Variants in VARS1 observed in about 807,000 individuals in gnomAD.
VARS1 encodes valine--tRNA ligase.
In VARS1, 92 loss-of-function variants were observed where a neutral mutation model predicts 161.0. That is an observed-to-expected ratio of 0.57 (90% CI 0.48 to 0.68). The LOEUF is 0.68. Among genes scored for constraint, VARS1 ranks in the 30% least tolerant of loss-of-function variants. VARS1 has a pLI of 0.00. For missense variants in VARS1, 1,338 were observed against 1,695.9 expected, an observed-to-expected ratio of 0.79 and a Z score of 3.71; for synonymous variants, 595 against 682.5, an observed-to-expected ratio of 0.87 and a Z score of 2.00.
At position 31,781,379 on chromosome 6, in the gene VARS1, C is replaced by T; in HGVS notation, c.2544+102G>A. On this transcript the variant is annotated intron_variant, in intron 21 of 29. Transcript: ENST00000375663. This position sits in a 1 kb window ranked among gnomAD's most constrained non-coding sequence, Gnocchi z 6.8. Reference sequence around the variant, plus strand: ...CACCAGCCCCCGGGTCAGGCCTGCCCACAGCTAACCCCATGCCCCAGCCAC... The same window carrying T: ...CACCAGCCCCCGGGTCAGGCCTGCCTACAGCTAACCCCATGCCCCAGCCAC... The T allele has an allele frequency of 2.7e-6, 4 of 1,505,248 alleles. No individual in the cohort carries two copies. The highest frequency in any genetic ancestry group is 3.6e-6 in the Non-Finnish European group (4 of 1,125,200). 93.2% of individuals were successfully genotyped at this position (1,505,248 alleles called of 1,614,324 possible).
chr6:31,785,738 TA>T lies in VARS1; in HGVS notation c.1101-6del, dbSNP rs770776599. On this transcript the variant is annotated splice_polypyrimidine_tract_variant and splice_region_variant and intron_variant, in intron 8 of 29. Coordinates refer to ENST00000375663, the MANE Select transcript of VARS1 (RefSeq NM_006295.3). The surrounding 1 kb of genome is among the most constrained non-coding windows in gnomAD (Gnocchi z 6.1). ...GTCTCCCCACGCATGCGGTGCCTGTTAGGGGGCATGGAGGACCAGAGGGTGA... is the reference window on the plus strand; with the variant it reads ...GTCTCCCCACGCATGCGGTGCCTGTTGGGGGCATGGAGGACCAGAGGGTGA... The T allele has an allele frequency of 4.4e-6, 7 of 1,607,324 alleles. 1 individual carries two copies. The South Asian group carries it at 7.7e-5, about 18-fold the overall frequency.
At position 31,781,568 on chromosome 6, in the gene VARS1, C is replaced by T; in HGVS notation, c.2457G>A (p.Leu819=). 1 of 1,613,028 alleles carries T rather than the reference C, an allele frequency of 6.2e-7. No individual in the cohort carries two copies. Among genetic ancestry groups the T allele is most frequent in the Non-Finnish European group, 8.5e-7 (1 of 1,180,012 alleles). The change falls in exon 21 of 30, where the codon CTG becomes CTA. Residue 819 remains leucine, a synonymous_variant. Coordinates refer to ENST00000375663, the MANE Select transcript of VARS1 (RefSeq NM_006295.3). This position sits in a 1 kb window ranked among gnomAD's most constrained non-coding sequence, Gnocchi z 6.8. The part of the protein sequence containing the change: ...DLSVFYPGTL[L]ETGHDILFFW... ...AGAAGAGGATGTCATGACCGGTCTCCAGCAGTGTCCCGGGGTAGAACACAC... is the reference window on the plus strand; with the variant it reads ...AGAAGAGGATGTCATGACCGGTCTCTAGCAGTGTCCCGGGGTAGAACACAC...
In VARS1 at chr6:31,782,175, T is replaced by C; in HGVS notation, c.2153A>G (p.Glu718Gly). The C allele has an allele frequency of 6.2e-7, 1 of 1,613,612 alleles. No individual in the cohort carries two copies. Among genetic ancestry groups the C allele is most frequent in the Non-Finnish European group, 8.5e-7 (1 of 1,179,784 alleles). Residue 718 changes from glutamate (E) to glycine (G), a missense_variant and splice_region_variant, in exon 18 of 30, where the codon GAG becomes GGG. Around this residue, in one of 3 missense-constraint regions of VARS1, gnomAD observed 902 missense variants for 1,090.3 expected, o/e 0.83. Coordinates refer to ENST00000375663, the MANE Select transcript of VARS1 (RefSeq NM_006295.3). The surrounding 1 kb of genome is among the most constrained non-coding windows in gnomAD (Gnocchi z 8.3). ...TWHAWMDNIR[E>G]WCISRQLWWG... ...CCACAGCTGCCTGGAAATGCACCACTCCCTGCAAATGTCGGGGAGGAGAAA... is the reference window on the plus strand; with the variant it reads ...CCACAGCTGCCTGGAAATGCACCACCCCCTGCAAATGTCGGGGAGGAGAAA...
At chr6:31,794,744 A>ACTAC in intron 2 of VARS1, 87 bp downstream of exon 2, 8 of 1,455,064 alleles carry the variant, frequency 5.5e-6, no homozygotes, top group Non-Finnish European at 7.3e-6. Flanking sequence ...CATCTGATGT[A>ACTAC]CTACCTTCTT....
chr6:31,784,590 C>T lies in VARS1; in HGVS notation c.1467+5G>A, dbSNP rs1421873661. 6 of 1,613,258 alleles carry T rather than the reference C, an allele frequency of 3.7e-6. No individual in the cohort carries two copies. The highest frequency in any genetic ancestry group is 1.7e-5 in the Admixed American group (1 of 60,004). ...GATGGAGACAGGCCAGGTTGGGGGG[C>T]GCACCTCAATGTCAGAGATGGCGGA... On this transcript the variant is annotated splice_donor_5th_base_variant and intron_variant, in intron 11 of 29. Coordinates refer to ENST00000375663, the MANE Select transcript of VARS1 (RefSeq NM_006295.3). This position sits in a 1 kb window ranked among gnomAD's most constrained non-coding sequence, Gnocchi z 6.1.
rs765817222 is a variant in VARS1, at chr6:31,779,518, C to T, written c.3307G>A (p.Glu1103Lys). 9.3e-6 allele frequency: 15 copies of T among 1,611,894 alleles called. No individual in the cohort carries two copies. The highest frequency in any genetic ancestry group is 5.0e-5 in the Admixed American group (3 of 59,958). Residue 1103 changes from glutamate (E) to lysine (K), a missense_variant, in exon 28 of 30, where the codon GAG (glutamate) becomes AAG (lysine). Glu to Lys is a moderately conservative substitution (Grantham distance 56). Around this residue, in one of 3 missense-constraint regions of VARS1, gnomAD observed 433 missense variants for 586.2 expected, o/e 0.74. Coordinates refer to ENST00000375663, the MANE Select transcript of VARS1 (RefSeq NM_006295.3). This position sits in a 1 kb window ranked among gnomAD's most constrained non-coding sequence, Gnocchi z 9.1. ...EPSECSWKDP[E>K]AEAALELALS... ...GCCAGCTCAAGGGCGGCTTCTGCCT[C>T]GGGGTCCTTCCAGGAGCACTGTGGG...
chr6:31,787,970 A>T (rs1813612572), intron 8 of VARS1, among the ~76,000 whole-genome samples: 1 of 151,276 alleles, frequency 6.6e-6, no homozygotes, highest in South Asian at 2.1e-4. Flanking sequence ...TACAAAAAAA[A>T]TTAGCCAGGC....
intron 8 of VARS1, among the ~76,000 whole-genome samples, chr6:31,787,671 T>C (rs1475565577): frequency 6.6e-6 from 1 of 151,412 alleles, no homozygotes; most frequent in Non-Finnish European, 1.5e-5. Flanking sequence ...GTAGTCATTC[T>C]GTTTTCATGT....
In VARS1 at chr6:31,777,871, A is replaced by G. The variant is rs73400268; in HGVS notation, c.3727-209T>C. ...CTCTTGGGTCTTGCCTTTTTCCACC[A>G]AGTGGTGAGTCCCCAAGAACAAAGG... is the stretch of plus-strand genomic sequence containing the variant. On this transcript the variant is annotated intron_variant, in intron 29 of 29. Coordinates refer to ENST00000375663, the MANE Select transcript of VARS1 (RefSeq NM_006295.3). The surrounding 1 kb of genome is among the most constrained non-coding windows in gnomAD (Gnocchi z 5.8). 769 of 610,074 alleles carry G rather than the reference A, an allele frequency of 1.3e-3. 6 individuals are homozygous for G. In the African/African-American group the frequency reaches 0.013, roughly 10 times the overall value. The allele number at this position is 610,074 out of a possible 1,614,324, so 37.8% of individuals were successfully genotyped here.
Position 31,782,646 on chromosome 6 carries a change from G to A in VARS1, c.1888-13C>T. On this transcript the variant is annotated splice_polypyrimidine_tract_variant and intron_variant, in intron 15 of 29. Coordinates refer to ENST00000375663, the MANE Select transcript of VARS1 (RefSeq NM_006295.3). The surrounding 1 kb of genome is among the most constrained non-coding windows in gnomAD (Gnocchi z 8.3). ...ACCTGGGCAGGCCCTGGGTAGGAAT[G>A]AGGCCTCATCATGGCGATGCCCAGC... The A allele has an allele frequency of 6.2e-7, 1 of 1,613,082 alleles. No homozygotes were observed. The highest frequency in any genetic ancestry group is 8.5e-7 in the Non-Finnish European group (1 of 1,180,026).
At position 31,795,244 on chromosome 6, in the gene VARS1, G is replaced by A; in HGVS notation, c.-27C>T. The A allele has an allele frequency of 7.1e-7, 1 of 1,400,372 alleles. No individual in the cohort carries two copies. The highest frequency in any genetic ancestry group is 9.3e-7 in the Non-Finnish European group (1 of 1,074,556). 86.7% of individuals were successfully genotyped at this position (1,400,372 alleles called of 1,614,324 possible). ...GTTATGAGAAGGTCCGAACGAAGTG[G>A]AAAAACCTAAGGAGAAAGAGAGACA... is the stretch of plus-strand genomic sequence containing the variant. On this transcript the variant is annotated 5_prime_UTR_variant, in exon 2 of 30. Transcript: ENST00000375663. This position sits in a 1 kb window ranked among gnomAD's most constrained non-coding sequence, Gnocchi z 6.9.
chr6:31,786,696 C>T (rs1330692061), intron 8 of VARS1, among the ~76,000 whole-genome samples: 2 of 121,872 alleles, frequency 1.6e-5, no homozygotes, highest in African/African-American at 3.1e-5. Flanking sequence ...AAAAAAAGAA[C>T]GAAGAGGAGG....
chr6:31,790,438 C>T (rs1813797179), intron 8 of VARS1, among the ~76,000 whole-genome samples: 1 of 151,710 alleles, frequency 6.6e-6, no homozygotes, highest in Non-Finnish European at 1.5e-5. Flanking sequence ...CCCATCTCTA[C>T]TAAAAATACA....
rs951747192 is a variant in VARS1 at position 31,782,397 on chromosome 6, C to T, written c.2038G>A (p.Val680Ile). 25 of 1,612,262 alleles carry T rather than the reference C, an allele frequency of 1.6e-5. No homozygotes were observed. The highest frequency in any genetic ancestry group is 6.6e-5 in the South Asian group (6 of 90,984). The stretch of plus-strand genomic sequence containing the variant: ...GCCTGGGCCATCTCCCCGCAGCGAA[C>T]GTACCACTGCGGCCGCAGCAGAGGC... ...VEPLLRPQWY[V>I]RCGEMAQAAS... The change falls in exon 17 of 30, where the codon GTT becomes ATT. Residue 680 changes from valine to isoleucine, a missense_variant. Transcript: ENST00000375663. This position sits in a 1 kb window ranked among gnomAD's most constrained non-coding sequence, Gnocchi z 8.3.
chr6:31,785,154 A>G lies in VARS1; in HGVS notation c.1347+92T>C. The G allele has an allele frequency of 6.7e-7, 1 of 1,489,970 alleles. No homozygotes were observed. Among genetic ancestry groups the G allele is most frequent in the East Asian group, 2.3e-5 (1 of 43,938 alleles). 92.3% of individuals were successfully genotyped at this position (1,489,970 alleles called of 1,614,324 possible). ...TGTTTTACATGGGCCAGCTCCTGAG[A>G]GAGGGCCACAACACCTCTGCTTTCT... On this transcript the variant is annotated intron_variant, in intron 10 of 29. Coordinates refer to ENST00000375663, the MANE Select transcript of VARS1 (RefSeq NM_006295.3). This position sits in a 1 kb window ranked among gnomAD's most constrained non-coding sequence, Gnocchi z 6.1.
At position 31,779,645 on chromosome 6, in the gene VARS1, G is replaced by C. The variant is rs200481685; in HGVS notation, c.3251C>G (p.Pro1084Arg). 53 of 1,612,048 alleles carry C rather than the reference G, an allele frequency of 3.3e-5. No individual in the cohort carries two copies. Among genetic ancestry groups the C allele is most frequent in the Non-Finnish European group, 4.5e-5 (53 of 1,179,790 alleles). The stretch of plus-strand genomic sequence containing the variant: ...CGGGTAGGGGGTAACACAGAGGCTA[G>C]GGGGAGCTTGCGGCATCCTCCGGGG... ...RLPRRMPQAPPSLCVTPYPEP... is the reference protein window; with the variant it reads ...RLPRRMPQAPRSLCVTPYPEP... Residue 1084 changes from proline (P) to arginine (R), a missense_variant, in exon 27 of 30, where the codon CCT becomes CGT. By Grantham distance (103) the Pro-to-Arg change is moderately radical (BLOSUM62 -2). Transcript: ENST00000375663. The surrounding 1 kb of genome is among the most constrained non-coding windows in gnomAD (Gnocchi z 9.1).
chr6:31,787,420 G>C (rs1004937654), intron 8 of VARS1, among the ~76,000 whole-genome samples: 6 of 152,062 alleles, frequency 3.9e-5, no homozygotes, highest in Admixed American at 6.6e-5. Context: ...CGAGGCAGGC[G>C]GCTTACTTCA....
chr6:31,779,538 T>C lies in VARS1; in HGVS notation c.3289-2A>G. 6.2e-7 allele frequency: 1 copy of C among 1,610,586 alleles called. No homozygotes were observed. Among genetic ancestry groups the C allele is most frequent in the Non-Finnish European group, 8.5e-7 (1 of 1,179,368 alleles). The stretch of plus-strand genomic sequence containing the variant: ...TGCCTCGGGGTCCTTCCAGGAGCAC[T>C]GTGGGGTGGAGGAGGGGGTGAGGGG... On this transcript the variant is annotated splice_acceptor_variant, in intron 27 of 29. Coordinates refer to ENST00000375663, the MANE Select transcript of VARS1 (RefSeq NM_006295.3). LOFTEE classifies it high-confidence loss of function. The surrounding 1 kb of genome is among the most constrained non-coding windows in gnomAD (Gnocchi z 9.1).
At chr6:31,787,548 G>T (rs969706130) in intron 8 of VARS1, among the ~76,000 whole-genome samples, 1 of 152,102 alleles carries the variant, frequency 6.6e-6, no homozygotes, top group Non-Finnish European at 1.5e-5. Context: ...AGGAGACTGA[G>T]ACACAAGAAT....
Sources: allele counts gnomAD v4.1 joint callset (sites outside exome capture counted in the v4.1 genomes callset), GRCh38; gene constraint gnomAD v4.1.1; regional missense constraint gnomAD v4.1.1; non-coding constraint Gnocchi (gnomAD v3.1); transcripts MANE v1.5; gene names NCBI Gene and HGNC (gene_info 2026-07-23, HGNC 2026-07-21).